The following AGO3 variants were observed in gnomAD, a reference collection of about 807,000 sequenced individuals.
The protein encoded by AGO3 is argonaute RISC catalytic component 3.
AGO3 carries 16 observed loss-of-function variants against 105.5 expected under a neutral mutation model. The observed-to-expected ratio is 0.15, with a 90% CI of 0.10 to 0.23. The LOEUF is 0.23. Ranked by LOEUF, AGO3 falls within the 10% of genes least tolerant of loss-of-function variation. The pLI is 1.00. For missense variants in AGO3, 534 were observed against 1,088.0 expected (o/e 0.49, Z 7.16); for synonymous variants, 340 against 367.3 (o/e 0.93, Z 0.85).
intron 12 of AGO3, among the ~76,000 whole-genome samples, chr1:36,031,897 TG>T (rs1244160683): frequency 5.9e-5 from 8 of 136,226 alleles, no homozygotes; most frequent in Admixed American, 3.8e-4. Context: ...TATGTGTGTG[TG>T]GGGGGGCGGG....
In AGO3 at chr1:36,069,014, T is replaced by G. The variant is rs1476068890; in HGVS notation, c.*13269T>G. 1.3e-5 allele frequency: 2 copies of G among 152,226 alleles called. No individual in the cohort carries two copies. The highest frequency in any genetic ancestry group is 2.9e-5 in the Non-Finnish European group (2 of 68,038). The allele number at this position is 152,226 out of a possible 1,614,324, so 9.4% of individuals were successfully genotyped here. On this transcript the variant is annotated 3_prime_UTR_variant, in exon 19 of 19. Coordinates refer to ENST00000373191, the MANE Select transcript of AGO3 (RefSeq NM_024852.4). ...AGGTCTCCCACTGATTTGCTCCGTG[T>G]CCTTAGGCAATTCGTTTAATCTCTG... is the stretch of plus-strand genomic sequence containing the variant.
At chr1:36,044,684 C>T (rs903818659) in intron 17 of AGO3, among the ~76,000 whole-genome samples, 5 of 152,106 alleles carry the variant, frequency 3.3e-5, no homozygotes, top group Admixed American at 6.5e-5. Flanking sequence ...TCAAGTAATC[C>T]GCCCACCTTG....
At chr1:36,046,934 A>G (rs966919232) in intron 17 of AGO3, among the ~76,000 whole-genome samples, 5 of 152,076 alleles carry the variant, frequency 3.3e-5, no homozygotes, top group Non-Finnish European at 7.4e-5. Flanking sequence ...GAAAATACCA[A>G]TAGACAACTC....
In AGO3 at chr1:36,067,900, A is replaced by G. The variant is rs929659127; in HGVS notation, c.*12155A>G. 3 of 152,056 alleles carry G rather than the reference A, an allele frequency of 2.0e-5. No individual in the cohort carries two copies. Among genetic ancestry groups the G allele is most frequent in the African/African-American group, 7.2e-5 (3 of 41,406 alleles). The allele number at this position is 152,056 out of a possible 1,614,324, so 9.4% of individuals were successfully genotyped here. On this transcript the variant is annotated 3_prime_UTR_variant, in exon 19 of 19. Transcript: ENST00000373191. Reference sequence around the variant, plus strand: ...TAGAATTCTACTGGGGGTAAATGACACTCTCAAAATACTTGGGAAAGAAGA... The same window carrying G: ...TAGAATTCTACTGGGGGTAAATGACGCTCTCAAAATACTTGGGAAAGAAGA...
chr1:35,982,449 A>G (rs1647069964), intron 5 of AGO3, among the ~76,000 whole-genome samples: 1 of 152,222 alleles, frequency 6.6e-6, no homozygotes. Flanking sequence ...TGACATAAGC[A>G]TTCATTCTCA....
rs533600921 is a variant in AGO3 at position 36,038,285 on chromosome 1, C to T, written c.1843-1505C>T. Among the ~76,000 whole-genome samples, 145 of 130,974 alleles carry T rather than the reference C, an allele frequency of 1.1e-3. 1 individual carries two copies. Among genetic ancestry groups the T allele is most frequent in the Middle Eastern group, 0.013 (2 of 154 alleles). The allele number at this position is 130,974 out of a possible 152,430, so 85.9% of individuals were successfully genotyped here. A position where few individuals can be genotyped will look rare whatever the true frequency, so the allele number is the denominator to read the frequency against. On this transcript the variant is annotated intron_variant, in intron 14 of 18. Coordinates refer to ENST00000373191, the MANE Select transcript of AGO3 (RefSeq NM_024852.4). ...TTTTTTTTTTTTTGAGACAGAGCCTCGCTCTGTAGCTCACGCTGGAATGCA... is the reference window on the plus strand; with the variant it reads ...TTTTTTTTTTTTTGAGACAGAGCCTTGCTCTGTAGCTCACGCTGGAATGCA...
intron 5 of AGO3, among the ~76,000 whole-genome samples, chr1:35,982,245 T>C (rs1050952791): frequency 2.0e-5 from 3 of 152,122 alleles, no homozygotes; most frequent in Non-Finnish European, 4.4e-5. Flanking sequence ...CTGGGCAACA[T>C]AGTGAGACCC....
intron 11 of AGO3, among the ~76,000 whole-genome samples, chr1:36,023,009 G>A (rs1363269214): frequency 1.3e-5 from 2 of 151,354 alleles, no homozygotes; most frequent in East Asian, 3.9e-4. Context: ...ATTTCCAAAA[G>A]CCAAAGTTCA....
intron 2 of AGO3, among the ~76,000 whole-genome samples, chr1:35,962,069 T>A (rs1646686539): frequency 6.6e-6 from 1 of 152,220 alleles, no homozygotes; most frequent in Non-Finnish European, 1.5e-5. Context: ...AAGTATGTGT[T>A]GTTAGAGGTT....
chr1:35,949,756 G>A (rs1646435473), intron 2 of AGO3, among the ~76,000 whole-genome samples: 1 of 152,008 alleles, frequency 6.6e-6, no homozygotes, highest in African/African-American at 2.4e-5. Context: ...TGAGTAGCTG[G>A]GACTACAGGC....
intron 2 of AGO3, among the ~76,000 whole-genome samples, chr1:35,959,630 A>G (rs1327182144): frequency 2.0e-5 from 3 of 152,166 alleles, no homozygotes; most frequent in Non-Finnish European, 4.4e-5. Context: ...ATATACACTT[A>G]AATATTTTGC....
chr1:35,947,710 T>G (rs1646392983), intron 2 of AGO3, among the ~76,000 whole-genome samples: 5 of 152,148 alleles, frequency 3.3e-5, no homozygotes, highest in Admixed American at 3.3e-4. Flanking sequence ...GATCTTAGGC[T>G]AGTCTTGGTT....
rs199927895 is a variant in AGO3 at position 36,008,859 on chromosome 1, T to C, written c.882-38T>C. ...GGTTGGGAGTTTTTCTGGCTCATAA[T>C]GGGCAAGAATTGTTCATGTGTACTT... On this transcript the variant is annotated intron_variant, in intron 7 of 18. Transcript: ENST00000373191. The surrounding 1 kb of genome is among the most constrained non-coding windows in gnomAD (Gnocchi z 5.1). 508 of 1,614,108 alleles carry C rather than the reference T, an allele frequency of 3.1e-4. 1 individual carries two copies. The African/African-American group carries it at 6.3e-3, about 20-fold the overall frequency.
intron 1 of AGO3, 84 bp downstream of exon 1, chr1:35,931,529 G>T (rs946170279): frequency 6.2e-6 from 8 of 1,291,200 alleles, no homozygotes; most frequent in Middle Eastern, 2.1e-4. Context: ...CCCGGCCCAG[G>T]TGCGCGAGGT....
At position 36,056,335 on chromosome 1, in the gene AGO3, T is replaced by G. The variant is rs1642916251; in HGVS notation, c.*590T>G. 1 of 152,234 alleles carries G rather than the reference T, an allele frequency of 6.6e-6. No homozygotes were observed. The highest frequency in any genetic ancestry group is 2.4e-5 in the African/African-American group (1 of 41,454). The allele number at this position is 152,234 out of a possible 1,614,324, so 9.4% of individuals were successfully genotyped here. A position where few individuals can be genotyped will look rare whatever the true frequency, so the allele number is the denominator to read the frequency against. ...GGGGAATTTTCTTTCCCTTTTATTC[T>G]ACCCCCACTACCGCCTTTATTTCTC... On this transcript the variant is annotated 3_prime_UTR_variant, in exon 19 of 19. Coordinates refer to ENST00000373191, the MANE Select transcript of AGO3 (RefSeq NM_024852.4).
chr1:36,053,987 C>T (rs1642827632), intron 17 of AGO3, among the ~76,000 whole-genome samples: 1 of 151,026 alleles, frequency 6.6e-6, no homozygotes, highest in African/African-American at 2.4e-5. Flanking sequence ...CCACATCTGG[C>T]CCACACCTGG....
chr1:36,015,736 G>A (rs1419640694), intron 11 of AGO3, among the ~76,000 whole-genome samples: 1 of 152,168 alleles, frequency 6.6e-6, no homozygotes, highest in Non-Finnish European at 1.5e-5. Context: ...ATTGTCTTTC[G>A]ATGACAGTTT....
At chr1:36,019,799 C>T (rs547590373) in intron 11 of AGO3, among the ~76,000 whole-genome samples, 62 of 150,962 alleles carry the variant, frequency 4.1e-4, no homozygotes, top group Admixed American at 3.6e-3. Context: ...GACATAGTCT[C>T]ACTCTGTCAC....
intron 2 of AGO3, among the ~76,000 whole-genome samples, chr1:35,952,531 G>A (rs892119990): frequency 1.3e-5 from 2 of 152,116 alleles, no homozygotes; most frequent in African/African-American, 4.8e-5. Flanking sequence ...CATTCATGTT[G>A]TAGCATGTAT....
Sources: allele counts gnomAD v4.1 joint callset (sites outside exome capture counted in the v4.1 genomes callset), GRCh38; gene constraint gnomAD v4.1.1; non-coding constraint Gnocchi (gnomAD v3.1); transcripts MANE v1.5; gene names NCBI Gene and HGNC (gene_info 2026-07-23, HGNC 2026-07-21).